Variants in KCNIP4 observed in about 807,000 individuals in gnomAD.
The protein encoded by KCNIP4 is Kv channel-interacting protein 4.
KCNIP4 carries 12 observed loss-of-function variants against 34.0 expected under a neutral mutation model. The observed-to-expected ratio is 0.35, with a 90% confidence interval of 0.23 to 0.57. The LOEUF (loss-of-function observed/expected upper bound fraction) is 0.57. Ranked by LOEUF, KCNIP4 falls within the 20% of genes least tolerant of loss-of-function variation. The pLI, the probability that KCNIP4 is intolerant of heterozygous loss-of-function variation, is 0.83. For missense variants in KCNIP4, 238 were observed against 311.7 expected, an observed-to-expected ratio of 0.76 and a Z score of 1.78; for synonymous variants, 124 against 102.2, an observed-to-expected ratio of 1.21 and a Z score of -1.29.
intron 1 of KCNIP4, among the ~76,000 whole-genome samples, chr4:21,001,190 C>T (rs143512667): frequency 1.3e-5 from 2 of 152,172 alleles, no homozygotes; most frequent in African/African-American, 2.4e-5. Context: ...ACATGGTTTC[C>T]CCTTAATTAA....
chr4:20,926,270 C>T (rs548081247), intron 1 of KCNIP4, among the ~76,000 whole-genome samples: 112 of 152,206 alleles, frequency 7.4e-4, no homozygotes, highest in African/African-American at 2.7e-3. Flanking sequence ...AGACACCTGG[C>T]CTCTTGGGGT....
intron 1 of KCNIP4, among the ~76,000 whole-genome samples, chr4:21,350,685 C>T (rs1018049285): frequency 6.6e-6 from 1 of 152,150 alleles, no homozygotes; most frequent in Non-Finnish European, 1.5e-5. Context: ...TATTGAAGTG[C>T]TAAGATGAGG....
chr4:21,923,334 C>T (rs536346658), intron 1 of KCNIP4, among the ~76,000 whole-genome samples: 6 of 152,164 alleles, frequency 3.9e-5, no homozygotes, highest in Non-Finnish European at 7.4e-5. Context: ...GTAAGCCCAG[C>T]ACTTTGGGAG....
intron 1 of KCNIP4, among the ~76,000 whole-genome samples, chr4:21,385,095 G>T (rs536070748): frequency 5.9e-5 from 9 of 152,282 alleles, no homozygotes; most frequent in African/African-American, 2.2e-4. Flanking sequence ...AAGCAACTGG[G>T]TAGAGGATAG....
chr4:21,128,018 A>G (rs1421574331), intron 1 of KCNIP4, among the ~76,000 whole-genome samples: 3 of 152,258 alleles, frequency 2.0e-5, no homozygotes, highest in Non-Finnish European at 4.4e-5. Context: ...TTTGCCTTGC[A>G]TAATCATCTA....
intron 1 of KCNIP4, among the ~76,000 whole-genome samples, chr4:21,566,681 AC>A (rs1291127484): frequency 6.6e-6 from 1 of 152,126 alleles, no homozygotes. Flanking sequence ...ATACACTTAT[AC>A]AAGGCAGTAG....
In KCNIP4 at chr4:21,100,028, A is replaced by G. The variant is rs143000664; in HGVS notation, c.62-217319T>C. Among the ~76,000 whole-genome samples, 134 of 152,296 alleles carry G rather than the reference A, an allele frequency of 8.8e-4. 1 individual carries two copies. Among genetic ancestry groups the G allele is most frequent in the African/African-American group, 3.0e-3 (125 of 41,580 alleles). ...GATGAGCAAGAAAATTGCCTTCTTG[A>G]GATGGAATCTACCTCTGGTGAAGAT... On this transcript the variant is annotated intron_variant, in intron 1 of 8. Transcript: ENST00000382152.
intron 1 of KCNIP4, among the ~76,000 whole-genome samples, chr4:21,642,701 T>C (rs751605809): frequency 2.0e-5 from 3 of 152,054 alleles, no homozygotes; most frequent in Admixed American, 1.3e-4. Context: ...ATTCCACTGA[T>C]GTGGAAGTTA....
intron 3 of KCNIP4, among the ~76,000 whole-genome samples, chr4:20,819,595 T>G (rs73802345): frequency 0.02 from 3,071 of 152,280 alleles, 120 homozygotes; most frequent in African/African-American, 0.071. Context: ...TTGTTATAGT[T>G]TGAATGGATG....
In KCNIP4 at chr4:21,034,873, C is replaced by T. The variant is rs80344660; in HGVS notation, c.62-152164G>A. 2.8e-4 allele frequency among the ~76,000 whole-genome samples: 42 copies of T among 152,318 alleles called. 1 individual carries two copies. The East Asian group carries it at 6.8e-3, about 25-fold the overall frequency. ...TGGTGCTTTCAGACATGGTTTACAC[C>T]TGCAGAAACGTACATTGCTGGACAG... is the stretch of plus-strand genomic sequence containing the variant. On this transcript the variant is annotated intron_variant, in intron 1 of 8. Coordinates refer to ENST00000382152, the MANE Select transcript of KCNIP4 (RefSeq NM_025221.6).
intron 1 of KCNIP4, among the ~76,000 whole-genome samples, chr4:21,745,917 C>T (rs1276785951): frequency 6.6e-6 from 1 of 152,122 alleles, no homozygotes; most frequent in African/African-American, 2.4e-5. Flanking sequence ...TTTTTGTTTG[C>T]TATGATGCCA....
chr4:21,076,953 T>C (rs1318169006), intron 1 of KCNIP4, among the ~76,000 whole-genome samples: 1 of 152,004 alleles, frequency 6.6e-6, no homozygotes, highest in East Asian at 1.9e-4. Flanking sequence ...TGAAACCCCA[T>C]CTCTACTAAA....
intron 1 of KCNIP4, among the ~76,000 whole-genome samples, chr4:21,045,385 C>G (rs571808778): frequency 1.3e-5 from 2 of 152,338 alleles, no homozygotes; most frequent in Non-Finnish European, 2.9e-5. Flanking sequence ...GCATGGACCA[C>G]ACTTTGAGAA....
intron 1 of KCNIP4, among the ~76,000 whole-genome samples, chr4:21,556,930 A>AAAACAAAACAAAAAAAAAC (rs1739094153): frequency 9.2e-6 from 1 of 108,194 alleles, no homozygotes; most frequent in Admixed American, 9.3e-5. Flanking sequence ...CAGAAAAAAA[A>AAAACAAAACAAAAAAAAAC]AAAAAAAAAA....
chr4:21,390,783 C>T (rs757171435), intron 1 of KCNIP4, among the ~76,000 whole-genome samples: 14 of 152,104 alleles, frequency 9.2e-5, no homozygotes, highest in Admixed American at 3.9e-4. Flanking sequence ...CTTGGCAATG[C>T]GGGCCCTTTT....
At chr4:21,727,548 G>T (rs1388066034) in intron 1 of KCNIP4, among the ~76,000 whole-genome samples, 2 of 152,084 alleles carry the variant, frequency 1.3e-5, no homozygotes, top group Non-Finnish European at 2.9e-5. Flanking sequence ...GTTATTTGTG[G>T]CCGGGTGTGG....
intron 1 of KCNIP4, among the ~76,000 whole-genome samples, chr4:21,229,665 C>A (rs572085611): frequency 1.3e-5 from 2 of 152,236 alleles, no homozygotes; most frequent in South Asian, 4.1e-4. Flanking sequence ...GGATGCACAG[C>A]CAGCAATGCA....
In KCNIP4 at chr4:21,761,838, C is replaced by T. The variant is rs914493689; in HGVS notation, c.61+186733G>A. ...GCAAATGACCTAAATGTCTAAATGGCTAAATGATGCGGAACAGGAAGTCCT... is the reference window on the plus strand; with the variant it reads ...GCAAATGACCTAAATGTCTAAATGGTTAAATGATGCGGAACAGGAAGTCCT... On this transcript the variant is annotated intron_variant, in intron 1 of 8. Transcript: ENST00000382152. Among the ~76,000 whole-genome samples the T allele has an allele frequency of 7.9e-5, 12 of 152,046 alleles. 1 individual carries two copies. In the South Asian group the frequency reaches 1.9e-3, roughly 24 times the overall value.
intron 1 of KCNIP4, among the ~76,000 whole-genome samples, chr4:21,453,132 G>C (rs73798757): frequency 0.014 from 2,147 of 152,142 alleles, 57 homozygotes; most frequent in African/African-American, 0.048. Context: ...ACAGGAATGT[G>C]TGAGTCAGCT....
Sources: gnomAD v4.1 joint callset for allele counts (sites outside exome capture counted in the v4.1 genomes callset) on GRCh38, gnomAD v4.1.1 for gene constraint, MANE v1.5 for transcripts, NCBI Gene and HGNC (gene_info 2026-07-23, HGNC 2026-07-21) for gene names.